PIK3C2G: variants seen among roughly 807,000 people sequenced by gnomAD.
PIK3C2G encodes phosphatidylinositol 3-kinase C2 domain-containing subunit gamma.
PIK3C2G carries 168 observed loss-of-function variants against 181.1 expected under a neutral mutation model. The observed-to-expected ratio is 0.93, with a 90% CI of 0.82 to 1.05. The LOEUF is 1.05. Among genes scored for constraint, PIK3C2G ranks in the 50% least tolerant of loss-of-function variants. The probability of loss-of-function intolerance (pLI) is 0.00; values close to 1 mark genes in which losing one functional copy is unlikely to be tolerated. For synonymous variants in PIK3C2G, 573 were observed against 592.2 expected (o/e 0.97, Z 0.47); for missense variants, 1,869 against 1,732.8 (o/e 1.08, Z -1.40).
At chr12:18,581,794 G>A (rs939024096) in intron 29 of PIK3C2G, among the ~76,000 whole-genome samples, 1 of 152,150 alleles carries the variant, frequency 6.6e-6, no homozygotes, top group Non-Finnish European at 1.5e-5. Flanking sequence ...AAAGGCATGA[G>A]ACAGGATAAG....
chr12:18,561,415 G>A (rs1945335900), intron 26 of PIK3C2G, among the ~76,000 whole-genome samples: 1 of 152,176 alleles, frequency 6.6e-6, no homozygotes, highest in African/African-American at 2.4e-5. Flanking sequence ...GGATTCAGAG[G>A]CTGTAGTGAG....
chr12:18,708,368 C>G, the PIK3C2G span, among the ~76,000 whole-genome samples: 1 of 152,108 alleles, frequency 6.6e-6, no homozygotes, highest in African/African-American at 2.4e-5. Context: ...AAGACTGAAT[C>G]ATATTCCATT....
intron 18 of PIK3C2G, among the ~76,000 whole-genome samples, chr12:18,430,369 C>T (rs576665498): frequency 6.6e-6 from 1 of 152,250 alleles, no homozygotes; most frequent in African/African-American, 2.4e-5. Context: ...TAAGGTGTCA[C>T]TTAAGGCACC....
intron 30 of PIK3C2G, among the ~76,000 whole-genome samples, chr12:18,608,750 TAAG>T (rs770273883): frequency 1.3e-5 from 2 of 151,990 alleles, no homozygotes; most frequent in Non-Finnish European, 2.9e-5. Context: ...AAAACAGTAA[TAAG>T]AAGTTACAAT....
the PIK3C2G span, among the ~76,000 whole-genome samples, chr12:18,708,065 T>C: frequency 0.17 from 25,757 of 152,144 alleles, 2,719 homozygotes; most frequent in African/African-American, 0.3. Context: ...ATATACAGTA[T>C]AACTTTATTA....
chr12:18,346,936 T>C (rs897882164), intron 11 of PIK3C2G, 100 bp downstream of exon 11: 7 of 692,906 alleles, frequency 1.0e-5, no homozygotes, highest in African/African-American at 3.7e-5. Context: ...AAAGATTTCA[T>C]AAAATTTTGG....
intron 32 of PIK3C2G, among the ~76,000 whole-genome samples, chr12:18,645,160 G>A (rs1024588177): frequency 1.4e-5 from 2 of 145,882 alleles, no homozygotes; most frequent in Non-Finnish European, 3.0e-5. Context: ...GTATGTACCA[G>A]AACCATTTTT....
At chr12:18,427,887 T>C (rs1945925626) in intron 18 of PIK3C2G, among the ~76,000 whole-genome samples, 1 of 152,158 alleles carries the variant, frequency 6.6e-6, no homozygotes, top group South Asian at 2.1e-4. Context: ...TTGAGAGCTT[T>C]GTTTGTAAGA....
chr12:18,321,122 G>C (rs1057190575), intron 7 of PIK3C2G, 90 bp downstream of exon 7: 1 of 712,214 alleles, frequency 1.4e-6, no homozygotes, highest in Non-Finnish European at 2.4e-6. Flanking sequence ...TGTAAAAACT[G>C]TCCATTCACT....
intron 20 of PIK3C2G, chr12:18,493,246 G>A (rs1308384143): frequency 6.6e-6 from 1 of 152,184 alleles, no homozygotes; most frequent in Admixed American, 6.5e-5. Flanking sequence ...CCTACACACT[G>A]AGGTTCATAT....
At chr12:18,461,420 C>A (rs188935375) in intron 18 of PIK3C2G, among the ~76,000 whole-genome samples, 18 of 152,282 alleles carry the variant, frequency 1.2e-4, no homozygotes, top group Admixed American at 3.3e-4. Context: ...TAAACACTTG[C>A]ATATGTCCTT....
At chr12:18,359,554 CTATT>C (rs1351421661) in intron 11 of PIK3C2G, among the ~76,000 whole-genome samples, 8 of 152,066 alleles carry the variant, frequency 5.3e-5, no homozygotes, top group Non-Finnish European at 8.8e-5. Context: ...GTATTGCTGT[CTATT>C]TATTCCTTCA....
At chr12:18,390,633 CAT>C (rs1181870423) in intron 14 of PIK3C2G, among the ~76,000 whole-genome samples, 2 of 152,060 alleles carry the variant, frequency 1.3e-5, no homozygotes, top group Non-Finnish European at 2.9e-5. Context: ...AGAGCTCACT[CAT>C]GTGTACATAA....
chr12:18,381,579 G>C (rs990683725), intron 13 of PIK3C2G, among the ~76,000 whole-genome samples, 187 bp from the exon 14 acceptor site: 1 of 152,184 alleles, frequency 6.6e-6, no homozygotes, highest in African/African-American at 2.4e-5. Flanking sequence ...CAAGCATGTG[G>C]TATATTAGAA....
intron 2 of PIK3C2G, chr12:18,285,241 T>G (rs1449624381): frequency 1.3e-5 from 2 of 151,846 alleles, no homozygotes; most frequent in Non-Finnish European, 2.9e-5. Context: ...TAAAAGAAAA[T>G]AAAACATACT....
At chr12:18,395,318 C>T (rs1943812448) in intron 15 of PIK3C2G, among the ~76,000 whole-genome samples, 2 of 143,668 alleles carry the variant, frequency 1.4e-5, no homozygotes, top group Non-Finnish European at 3.1e-5. Context: ...AAATACAGGC[C>T]TCTCATCAAA....
At chr12:18,492,908 T>G (rs1940702613) in intron 20 of PIK3C2G, 1 of 152,278 alleles carries the variant, frequency 6.6e-6, no homozygotes, top group South Asian at 2.1e-4. Context: ...GTACTTTTCC[T>G]GCAGAAGCTG....
chr12:18,667,626 G>A, the PIK3C2G span, among the ~76,000 whole-genome samples: 4 of 152,116 alleles, frequency 2.6e-5, no homozygotes, highest in African/African-American at 7.2e-5. Context: ...AAAGGGGAAA[G>A]GAGTTAGCGT....
At chr12:18,634,868 CT>C (rs150855489) in intron 31 of PIK3C2G, among the ~76,000 whole-genome samples, 15 of 151,760 alleles carry the variant, frequency 9.9e-5, no homozygotes, top group African/African-American at 2.2e-4. Context: ...AATATCTTCA[CT>C]TTTTTTTTGC....
Sources: gnomAD v4.1 joint callset for allele counts (sites outside exome capture counted in the v4.1 genomes callset) on GRCh38, gnomAD v4.1.1 for gene constraint, MANE v1.5 for transcripts, NCBI Gene and HGNC (gene_info 2026-07-23, HGNC 2026-07-21) for gene names.